Variants in FANCB observed in about 807,000 individuals in gnomAD.
The protein encoded by FANCB is FA complementation group B.
Under a neutral mutation model 38.9 loss-of-function variants are expected in FANCB, and 5 were observed. That is an observed-to-expected ratio of 0.13 (90% CI 0.07 to 0.27). The LOEUF (loss-of-function observed/expected upper bound fraction) is 0.27, where lower values mean the gene tolerates loss of function less well. Among genes scored for constraint, FANCB ranks in the 10% least tolerant of loss-of-function variants. FANCB has a pLI of 1.00. For synonymous variants in FANCB, 236 were observed against 215.4 expected, an observed-to-expected ratio of 1.10 and a Z score of -0.84; for missense variants, 573 against 602.7, an observed-to-expected ratio of 0.95 and a Z score of 0.52.
At chrX:14,749,244 A>T in the FANCB span, among the ~76,000 whole-genome samples, 1 of 112,012 alleles carries the variant, frequency 8.9e-6, no homozygotes, top group African/African-American at 3.2e-5. Flanking sequence ...GGCAGGAAGC[A>T]GAATGAATGT....
the FANCB span, among the ~76,000 whole-genome samples, chrX:14,811,429 G>A: frequency 6.3e-5 from 7 of 110,781 alleles, no homozygotes; most frequent in African/African-American, 1.3e-4. Flanking sequence ...CCCATCTCAC[G>A]TGCAGAGACA....
the FANCB span, among the ~76,000 whole-genome samples, chrX:14,691,728 C>T: frequency 8.9e-6 from 1 of 111,837 alleles, no homozygotes; most frequent in Non-Finnish European, 1.9e-5. Context: ...GTTTATAACC[C>T]AATCTCATAG....
the FANCB span, among the ~76,000 whole-genome samples, chrX:14,721,409 C>T: frequency 9.0e-6 from 1 of 111,412 alleles, no homozygotes; most frequent in Non-Finnish European, 1.9e-5. Flanking sequence ...CAAAACACTA[C>T]ATTATACTCC....
chrX:14,795,773 G>A, the FANCB span, among the ~76,000 whole-genome samples: 1 of 111,959 alleles, frequency 8.9e-6, no homozygotes, highest in Admixed American at 9.5e-5. Context: ...AAACACAAGA[G>A]AACAGAATTA....
At chrX:14,834,180 T>C (rs976557230), downstream of FANCB, among the ~76,000 whole-genome samples, 3 of 111,720 alleles carry the variant, frequency 2.7e-5, no homozygotes, top group Non-Finnish European at 5.6e-5. Context: ...CTGAGTTTTA[T>C]TTCACATGTA....
the FANCB span, among the ~76,000 whole-genome samples, chrX:14,810,511 C>T: frequency 1.2e-4 from 13 of 111,608 alleles, no homozygotes; most frequent in African/African-American, 2.0e-4. Context: ...GAGAACTACG[C>T]GAAGAAAGCA....
the FANCB span, among the ~76,000 whole-genome samples, chrX:14,761,680 C>T: frequency 9.0e-6 from 1 of 111,157 alleles, no homozygotes; most frequent in African/African-American, 3.3e-5. Context: ...AGTATGATTG[C>T]GATATCTGGG....
chrX:14,775,011 C>A, the FANCB span, among the ~76,000 whole-genome samples: 1 of 109,488 alleles, frequency 9.1e-6, no homozygotes, highest in Non-Finnish European at 1.9e-5. Flanking sequence ...TTTTTGTATT[C>A]TTAGTAGAGA....
At chrX:14,756,567 C>A in the FANCB span, among the ~76,000 whole-genome samples, 3 of 111,656 alleles carry the variant, frequency 2.7e-5, no homozygotes, top group Non-Finnish European at 5.6e-5. Context: ...TGATTAGGCA[C>A]AACTGAAGCC....
downstream of FANCB, among the ~76,000 whole-genome samples, chrX:14,840,221 G>T (rs1318703833): frequency 9.0e-6 from 1 of 111,567 alleles, no homozygotes; most frequent in Non-Finnish European, 1.9e-5. Context: ...TGATTCTGAG[G>T]TACAACAATA....
At chrX:14,832,467 G>C (rs1221312721), downstream of FANCB, among the ~76,000 whole-genome samples, 5 of 111,593 alleles carry the variant, frequency 4.5e-5, no homozygotes, top group African/African-American at 1.6e-4. Context: ...CCAGGAGTTA[G>C]AACCTCAGCA....
chrX:14,755,020 A>T, the FANCB span, among the ~76,000 whole-genome samples: 1 of 112,119 alleles, frequency 8.9e-6, no homozygotes. Context: ...CAAACCAGTA[A>T]ATGTGACATA....
At chrX:14,759,114 A>G in the FANCB span, among the ~76,000 whole-genome samples, 1 of 111,928 alleles carries the variant, frequency 8.9e-6, no homozygotes, top group South Asian at 3.7e-4. Flanking sequence ...AAGTAGAAGA[A>G]ATAACTTCCC....
intron 3 of FANCB, among the ~76,000 whole-genome samples, chrX:14,859,710 G>A (rs938432337): frequency 8.1e-5 from 9 of 111,189 alleles, no homozygotes; most frequent in African/African-American, 2.6e-4. Context: ...TCCTTCTCTC[G>A]CACAGCTAAT....
chrX:14,805,318 G>A, the FANCB span, among the ~76,000 whole-genome samples: 1 of 111,523 alleles, frequency 9.0e-6, no homozygotes, highest in Non-Finnish European at 1.9e-5. Context: ...AAAACCAAGT[G>A]TGTTAAAGCT....
At chrX:14,824,144 G>A in the FANCB span, among the ~76,000 whole-genome samples, 6 of 111,586 alleles carry the variant, frequency 5.4e-5, no homozygotes, top group Non-Finnish European at 9.4e-5. Flanking sequence ...TCAATCCCTT[G>A]TGCACCCACT....
At chrX:14,844,202 AT>A (rs200226322) in intron 9 of FANCB, among the ~76,000 whole-genome samples, 3 of 111,032 alleles carry the variant, frequency 2.7e-5, no homozygotes, top group South Asian at 3.8e-4. Flanking sequence ...TCCAATTAAA[AT>A]TTTTTTTGCT....
At chrX:14,705,999 G>A in the FANCB span, among the ~76,000 whole-genome samples, 3 of 91,155 alleles carry the variant, frequency 3.3e-5, no homozygotes, top group Non-Finnish European at 4.7e-5. Flanking sequence ...ATTACAGCAT[G>A]GTTCTCAATC....
At chrX:14,742,102 CCTAA>C in the FANCB span, among the ~76,000 whole-genome samples, 4 of 111,586 alleles carry the variant, frequency 3.6e-5, no homozygotes, top group East Asian at 2.8e-4. Context: ...AAATGTAATG[CCTAA>C]CTATCATCTG....
Sources: allele counts gnomAD v4.1 joint callset (sites outside exome capture counted in the v4.1 genomes callset), GRCh38; gene constraint gnomAD v4.1.1; transcripts MANE v1.5; gene names NCBI Gene and HGNC (gene_info 2026-07-23, HGNC 2026-07-21).